The following SLC35F2 variants were observed in gnomAD, a reference collection of about 807,000 sequenced individuals.
SLC35F2 encodes the protein queuine/queuosine transporter SLC35F2.
Under a neutral mutation model 38.1 loss-of-function variants are expected in SLC35F2, and 25 were observed. The ratio of observed to expected loss-of-function variants is 0.66; its 90% CI spans 0.48 to 0.92. The LOEUF is 0.92. Among genes scored for constraint, SLC35F2 ranks in the 40% least tolerant of loss-of-function variants. SLC35F2 has a pLI of 0.00. For synonymous variants in SLC35F2, 173 were observed against 181.7 expected (o/e 0.95, Z 0.38); for missense variants, 409 against 452.9 (o/e 0.90, Z 0.88).
chr11:107,836,805 T>G (rs7119441), intron 1 of SLC35F2, among the ~76,000 whole-genome samples: 26 of 152,270 alleles, frequency 1.7e-4, no homozygotes, highest in African/African-American at 6.0e-4. Context: ...ACTAAATTGG[T>G]GGTAATTTGT....
At chr11:107,804,950 T>A (rs746872093) in intron 5 of SLC35F2, 180 bp from the exon 6 acceptor site, 75 of 770,542 alleles carry the variant, frequency 9.7e-5, no homozygotes, top group Admixed American at 1.3e-4. Context: ...AAGGAGTTCA[T>A]AAAGATATGT....
At chr11:107,805,060 A>G (rs909105169) in intron 5 of SLC35F2, 2 of 985,212 alleles carry the variant, frequency 2.0e-6, no homozygotes, top group African/African-American at 3.5e-5. Context: ...TAATGTGTTA[A>G]TATTTTCTGG....
At position 107,792,169 on chromosome 11, in the gene SLC35F2, A is replaced by AAAAACAAAC; in HGVS notation, c.*445_*446insGTTTGTTTT. ...GACAATAACTGCCTCAGCAAAAAAA[A>AAAAACAAAC]AAAAAAAAAAAAACCTTGAAGCATC... On this transcript the variant is annotated 3_prime_UTR_variant, in exon 8 of 8. Coordinates refer to ENST00000525815, the MANE Select transcript of SLC35F2 (RefSeq NM_017515.5). The AAAAACAAAC allele has an allele frequency of 6.5e-6, 1 of 152,832 alleles. No individual in the cohort carries two copies. Among genetic ancestry groups the AAAAACAAAC allele is most frequent in the East Asian group, 1.9e-4 (1 of 5,176 alleles). The allele number at this position is 152,832 out of a possible 1,614,324, so 9.5% of individuals were successfully genotyped here.
At chr11:107,802,909 G>A (rs1859333982) in intron 7 of SLC35F2, 92 bp downstream of exon 7, 5 of 1,252,124 alleles carry the variant, frequency 4.0e-6, no homozygotes, top group Non-Finnish European at 5.4e-6. Context: ...AGATGAGAAG[G>A]TTTTATTTTT....
intron 2 of SLC35F2, among the ~76,000 whole-genome samples, chr11:107,815,065 G>A (rs886581686): frequency 5.3e-5 from 8 of 151,924 alleles, no homozygotes; most frequent in Admixed American, 2.0e-4. Context: ...GTGACAGAGT[G>A]AGACTCTGTA....
chr11:107,803,374 A>G (rs978266679), intron 6 of SLC35F2: 6 of 985,426 alleles, frequency 6.1e-6, no homozygotes, highest in Non-Finnish European at 7.2e-6. Context: ...AAAAAATCCA[A>G]CAAGGTATTG....
chr11:107,833,067 A>AT (rs1859873389), intron 1 of SLC35F2, among the ~76,000 whole-genome samples: 1 of 152,106 alleles, frequency 6.6e-6, no homozygotes, highest in Non-Finnish European at 1.5e-5. Context: ...AGTATTATTT[A>AT]TTTACTTATT....
intron 7 of SLC35F2, among the ~76,000 whole-genome samples, chr11:107,799,440 C>T (rs1237100121): frequency 6.6e-6 from 1 of 152,172 alleles, no homozygotes; most frequent in Non-Finnish European, 1.5e-5. Context: ...ACACCAGCAC[C>T]CCTAGTGGTG....
At chr11:107,854,536 C>G (rs535514626) in intron 1 of SLC35F2, among the ~76,000 whole-genome samples, 33 of 152,226 alleles carry the variant, frequency 2.2e-4, no homozygotes, top group Admixed American at 7.2e-4. Context: ...CTTGAGTTGA[C>G]AGTAATAAAT....
intron 1 of SLC35F2, among the ~76,000 whole-genome samples, chr11:107,847,659 A>T (rs1431839020): frequency 3.3e-5 from 5 of 152,206 alleles, no homozygotes; most frequent in African/African-American, 1.2e-4. Context: ...AAGTGCAATG[A>T]TGAGGTAGGA....
At chr11:107,811,888 G>GTT in intron 2 of SLC35F2, 94 bp from the exon 3 acceptor site, 11 of 1,177,210 alleles carry the variant, frequency 9.3e-6, no homozygotes, top group African/African-American at 3.1e-5. Context: ...AGAGTTTCTT[G>GTT]TTTTTTTTTC....
chr11:107,831,135 C>T (rs1859834315), intron 1 of SLC35F2, among the ~76,000 whole-genome samples: 1 of 152,266 alleles, frequency 6.6e-6, no homozygotes, highest in East Asian at 1.9e-4. Flanking sequence ...CCGGAGAAAG[C>T]TGACCTTTCT....
intron 1 of SLC35F2, among the ~76,000 whole-genome samples, chr11:107,818,072 AAAAGAAAG>A (rs1163903791): frequency 0.043 from 2,922 of 68,358 alleles, 86 homozygotes; most frequent in South Asian, 0.052. Context: ...AAAAAAAAAA[AAAAGAAAG>A]AAAGAAAGAA....
At chr11:107,848,638 C>G (rs1384987496) in intron 1 of SLC35F2, among the ~76,000 whole-genome samples, 2 of 152,296 alleles carry the variant, frequency 1.3e-5, no homozygotes, top group African/African-American at 2.4e-5. Flanking sequence ...GGTCTCAGAC[C>G]TCCCAGCCTC....
At chr11:107,806,694 A>T in intron 4 of SLC35F2, 23 bp downstream of exon 4, 1 of 1,612,758 alleles carries the variant, frequency 6.2e-7, no homozygotes, top group East Asian at 2.2e-5. Context: ...TGATTGAAGC[A>T]CAAACATGTG....
intron 1 of SLC35F2, among the ~76,000 whole-genome samples, chr11:107,854,775 T>G (rs1434969564): frequency 6.6e-6 from 1 of 152,182 alleles, no homozygotes; most frequent in Non-Finnish European, 1.5e-5. Flanking sequence ...TGCCCCAATC[T>G]TCTCCCTGTA....
chr11:107,804,332 G>A (rs946489616), intron 6 of SLC35F2, among the ~76,000 whole-genome samples: 4 of 152,052 alleles, frequency 2.6e-5, no homozygotes. Context: ...GGAGCAATGG[G>A]AGGTGAGGGA....
At chr11:107,843,156 G>A (rs775890513) in intron 1 of SLC35F2, among the ~76,000 whole-genome samples, 4 of 152,196 alleles carry the variant, frequency 2.6e-5, no homozygotes, top group Non-Finnish European at 5.9e-5. Context: ...ATATTAAAAT[G>A]AGAGCAAAGG....
intron 1 of SLC35F2, among the ~76,000 whole-genome samples, chr11:107,829,119 A>G (rs12271120): frequency 0.056 from 8,247 of 146,520 alleles, 480 homozygotes; most frequent in African/African-American, 0.15. Flanking sequence ...GCAGGAGGTC[A>G]GTAGGAAAAA....
Sources: allele counts gnomAD v4.1 joint callset (sites outside exome capture counted in the v4.1 genomes callset), GRCh38; gene constraint gnomAD v4.1.1; transcripts MANE v1.5; gene names NCBI Gene and HGNC (gene_info 2026-07-23, HGNC 2026-07-21).